TXNL4A: variants seen among roughly 807,000 people sequenced by gnomAD.
The protein encoded by TXNL4A is thioredoxin like 4A.
A neutral mutation model predicts 14.6 loss-of-function variants in TXNL4A; 17 were observed. The ratio of observed to expected loss-of-function variants is 1.16; its 90% CI spans 0.80 to 1.74. TXNL4A has a LOEUF of 1.74. Among genes scored for constraint, TXNL4A ranks in the 40% most tolerant of loss-of-function variants. The pLI, the probability that TXNL4A is intolerant of heterozygous loss-of-function variation, is 0.00. For synonymous variants in TXNL4A, 83 were observed against 70.6 expected, an observed-to-expected ratio of 1.18 and a Z score of -0.88; for missense variants, 74 against 195.2, an observed-to-expected ratio of 0.38 and a Z score of 3.70.
chr18:79,992,263 T>C (rs1407698835), upstream of TXNL4A, among the ~76,000 whole-genome samples: 1 of 152,206 alleles, frequency 6.6e-6, no homozygotes, highest in East Asian at 1.9e-4. Flanking sequence ...CTTTTCCTAA[T>C]GGTTAGTGAC....
Position 79,973,555 on chromosome 18 carries a change from T to G in TXNL4A, c.*130A>C. 1.7e-6 allele frequency: 2 copies of G among 1,188,590 alleles called. No homozygotes were observed. Among genetic ancestry groups the G allele is most frequent in the Non-Finnish European group, 2.3e-6 (2 of 864,740 alleles). The allele number at this position is 1,188,590 out of a possible 1,614,324, so 73.6% of individuals were successfully genotyped here. ...TGTTTATTTCGGTGAGTTAAGACCATGTTATCAATTCCATCTCAGAGGTGC... is the reference window on the plus strand; with the variant it reads ...TGTTTATTTCGGTGAGTTAAGACCAGGTTATCAATTCCATCTCAGAGGTGC... On this transcript the variant is annotated 3_prime_UTR_variant, in exon 3 of 3. Transcript: ENST00000269601.
chr18:79,975,009 G>A (rs2051357514), intron 2 of TXNL4A, among the ~76,000 whole-genome samples: 1 of 152,130 alleles, frequency 6.6e-6, no homozygotes. Flanking sequence ...TCAGGGTCTG[G>A]AGCCCACCTC....
intron 1 of TXNL4A, among the ~76,000 whole-genome samples, chr18:80,014,059 C>T (rs2145118237): frequency 1.3e-5 from 2 of 152,184 alleles, no homozygotes; most frequent in African/African-American, 4.8e-5. Context: ...AAAGACCAGC[C>T]CCCATGATTC....
chr18:80,007,890 C>G (rs988509526), intron 1 of TXNL4A, among the ~76,000 whole-genome samples: 24 of 152,030 alleles, frequency 1.6e-4, no homozygotes, highest in Admixed American at 1.5e-3. Context: ...TCTGAATTGC[C>G]CAGGTAAGAA....
At chr18:80,032,054 T>C (rs981951038) in intron 1 of TXNL4A, among the ~76,000 whole-genome samples, 3 of 152,270 alleles carry the variant, frequency 2.0e-5, no homozygotes, top group Non-Finnish European at 4.4e-5. Context: ...GAGGCAGTAA[T>C]GTAGCCTGAC....
At chr18:80,023,796 C>A (rs1043016608) in intron 1 of TXNL4A, among the ~76,000 whole-genome samples, 1 of 152,194 alleles carries the variant, frequency 6.6e-6, no homozygotes, top group Non-Finnish European at 1.5e-5. Flanking sequence ...ATTACTAAGA[C>A]ACTGACTAAC....
chr18:79,988,144 G>A, intron 1 of TXNL4A, 96 bp downstream of exon 1: 18 of 1,305,372 alleles, frequency 1.4e-5, no homozygotes, highest in Non-Finnish European at 1.8e-5. Context: ...CCCCTCCTCG[G>A]GGAACAGCTC....
intron 1 of TXNL4A, among the ~76,000 whole-genome samples, chr18:80,027,009 T>C (rs1282757101): frequency 3.3e-5 from 5 of 152,054 alleles, no homozygotes; most frequent in Non-Finnish European, 7.4e-5. Context: ...GAATAAAGAA[T>C]AGGAAATGAT....
intron 1 of TXNL4A, among the ~76,000 whole-genome samples, chr18:79,998,241 C>T (rs907827843): frequency 6.6e-6 from 1 of 151,502 alleles, no homozygotes; most frequent in South Asian, 2.1e-4. Flanking sequence ...TGCAGTGAGC[C>T]GAGATTGCAC....
At chr18:79,983,432 T>C (rs1029477689) in intron 1 of TXNL4A, among the ~76,000 whole-genome samples, 33 of 152,346 alleles carry the variant, frequency 2.2e-4, no homozygotes, top group Middle Eastern at 3.4e-3. Flanking sequence ...TTCTTCCGCA[T>C]GCCTCTAAGT....
chr18:79,989,156 T>A (rs554099296), upstream of TXNL4A, among the ~76,000 whole-genome samples: 29 of 152,262 alleles, frequency 1.9e-4, no homozygotes, highest in South Asian at 5.8e-3. Context: ...AAAAAATTTT[T>A]TTTTGAGACG....
At chr18:79,987,171 A>G (rs1341100294) in intron 1 of TXNL4A, among the ~76,000 whole-genome samples, 1 of 152,266 alleles carries the variant, frequency 6.6e-6, no homozygotes, top group Non-Finnish European at 1.5e-5. Context: ...CCATAGAATC[A>G]GAATCACAGA....
intron 1 of TXNL4A, among the ~76,000 whole-genome samples, chr18:80,028,707 C>T (rs910347505): frequency 6.6e-6 from 1 of 152,152 alleles, no homozygotes; most frequent in Non-Finnish European, 1.5e-5. Flanking sequence ...TGCCCTGACC[C>T]GTGGTTGTCA....
rs2051586113 is a variant in TXNL4A at position 79,988,232 on chromosome 18, C to A, written c.153+8G>T. 1.3e-6 allele frequency: 2 copies of A among 1,526,548 alleles called. No homozygotes were observed. The highest frequency in any genetic ancestry group is 8.9e-7 in the Non-Finnish European group (1 of 1,119,058). The allele number at this position is 1,526,548 out of a possible 1,614,324, so 94.6% of individuals were successfully genotyped here. A position where few individuals can be genotyped will look rare whatever the true frequency, so the allele number is the denominator to read the frequency against. On this transcript the variant is annotated splice_region_variant and intron_variant, in intron 1 of 2. Transcript: ENST00000269601. ...CAGCCCGCAGAGCGGGAGAGTCCGG[C>A]GCGCTACCTTCTCGGCGATGCTGTA...
chr18:80,016,797 G>A (rs1224211193), intron 1 of TXNL4A, among the ~76,000 whole-genome samples: 1 of 149,598 alleles, frequency 6.7e-6, no homozygotes, highest in Non-Finnish European at 1.5e-5. Flanking sequence ...CAGGTAGCGT[G>A]ATGCCTCCAG....
At chr18:80,032,727 C>T (rs2051930798) in intron 1 of TXNL4A, among the ~76,000 whole-genome samples, 1 of 152,184 alleles carries the variant, frequency 6.6e-6, no homozygotes, top group Non-Finnish European at 1.5e-5. Flanking sequence ...GTAATCCCAG[C>T]TACACGAGAG....
At chr18:79,977,481 G>A in intron 2 of TXNL4A, 117 bp downstream of exon 2, 1 of 793,228 alleles carries the variant, frequency 1.3e-6, no homozygotes, top group South Asian at 1.6e-5. Flanking sequence ...AAACGATTTT[G>A]GGACATGACT....
At chr18:79,980,837 G>A (rs1268635815) in intron 1 of TXNL4A, among the ~76,000 whole-genome samples, 1 of 151,822 alleles carries the variant, frequency 6.6e-6, no homozygotes, top group Non-Finnish European at 1.5e-5. Flanking sequence ...CCACTGCAGG[G>A]GCATGCGACT....
At chr18:80,006,151 T>C (rs910403943) in intron 1 of TXNL4A, among the ~76,000 whole-genome samples, 32 of 151,960 alleles carry the variant, frequency 2.1e-4, no homozygotes, top group African/African-American at 6.5e-4. Context: ...TTTGGGAGGC[T>C]AAGGCGGGCG....
Sources: gnomAD v4.1 joint callset for allele counts (sites outside exome capture counted in the v4.1 genomes callset) on GRCh38, gnomAD v4.1.1 for gene constraint, MANE v1.5 for transcripts, NCBI Gene and HGNC (gene_info 2026-07-23, HGNC 2026-07-21) for gene names.